Variants in LMO3 observed in about 807,000 individuals in gnomAD.
LMO3 encodes the protein LIM domain only 3, also known as LIM domain only protein 3.
LMO3 carries 2 observed loss-of-function variants against 15.8 expected under a neutral mutation model. The observed-to-expected ratio is 0.13, with a 90% CI of 0.05 to 0.40. The LOEUF (loss-of-function observed/expected upper bound fraction) is 0.40. Among genes scored for constraint, LMO3 ranks in the 10% least tolerant of loss-of-function variants. LMO3 has a pLI of 0.99. For missense variants in LMO3, 86 were observed against 182.2 expected (o/e 0.47, Z 3.04); for synonymous variants, 62 against 63.8 (o/e 0.97, Z 0.13).
chr12:16,602,369 C>T (rs543733885), intron 1 of LMO3: 2 of 152,196 alleles, frequency 1.3e-5, no homozygotes, highest in African/African-American at 2.4e-5. Flanking sequence ...TCAAGGCATC[C>T]GCAGAGCGGA....
rs758201493 is a variant in LMO3 at position 16,584,740 on chromosome 12, G to A, written c.206+15915C>T. On this transcript the variant is annotated intron_variant, in intron 2 of 3. Transcript: ENST00000537304. This position sits in a 1 kb window ranked among gnomAD's most constrained non-coding sequence, Gnocchi z 5.2. ...AGCAAGAGATTTCTTTTATCAGGACGGGCTGCTTCTCGCCTCACAAAGCAG... is the reference window on the plus strand; with the variant it reads ...AGCAAGAGATTTCTTTTATCAGGACAGGCTGCTTCTCGCCTCACAAAGCAG... 7.2e-5 allele frequency among the ~76,000 whole-genome samples: 11 copies of A among 152,096 alleles called. No homozygotes were observed. Among genetic ancestry groups the A allele is most frequent in the Non-Finnish European group, 1.3e-4 (9 of 68,018 alleles).
rs1313784670 is a variant in LMO3, at chr12:16,589,874, G to A, written c.206+10781C>T. ...GCCCCCAAGATGCAGACCACAGTAGGAATTAAGCCTCGTAAAGCTCTCTGG... is the reference window on the plus strand; with the variant it reads ...GCCCCCAAGATGCAGACCACAGTAGAAATTAAGCCTCGTAAAGCTCTCTGG... On this transcript the variant is annotated intron_variant, in intron 2 of 3. Coordinates refer to ENST00000537304, the MANE Select transcript of LMO3 (RefSeq NM_018640.5). The surrounding 1 kb of genome is among the most constrained non-coding windows in gnomAD (Gnocchi z 4.2). Among the ~76,000 whole-genome samples, 1 of 152,058 alleles carries A rather than the reference G, an allele frequency of 6.6e-6. No individual in the cohort carries two copies. Among genetic ancestry groups the A allele is most frequent in the Non-Finnish European group, 1.5e-5 (1 of 67,998 alleles).
chr12:16,580,137 T>C (rs769501452), intron 2 of LMO3, among the ~76,000 whole-genome samples: 4 of 152,220 alleles, frequency 2.6e-5, no homozygotes, highest in Non-Finnish European at 5.9e-5. Flanking sequence ...TACGTTATTT[T>C]TATTTTTTAA....
rs533987617 is a variant in LMO3, at chr12:16,587,599, A to G, written c.206+13056T>C. On this transcript the variant is annotated intron_variant, in intron 2 of 3. Coordinates refer to ENST00000537304, the MANE Select transcript of LMO3 (RefSeq NM_018640.5). The surrounding 1 kb of genome is among the most constrained non-coding windows in gnomAD (Gnocchi z 4.3). ...TTGGTGTTAAATTTTCTTAAATTGTATTTCTGTCAGTGTATCATTTTTTTA... is the reference window on the plus strand; with the variant it reads ...TTGGTGTTAAATTTTCTTAAATTGTGTTTCTGTCAGTGTATCATTTTTTTA... 6.6e-5 allele frequency among the ~76,000 whole-genome samples: 10 copies of G among 152,120 alleles called. No homozygotes were observed. The South Asian group carries it at 1.5e-3, about 22-fold the overall frequency.
chr12:16,565,441 AG>A (rs1942567730), intron 2 of LMO3, among the ~76,000 whole-genome samples: 1 of 152,210 alleles, frequency 6.6e-6, no homozygotes. Context: ...CAACTTAAAA[AG>A]TTAGCCCATT....
intron 2 of LMO3, among the ~76,000 whole-genome samples, chr12:16,579,621 C>T (rs1486298596): frequency 6.6e-6 from 1 of 152,106 alleles, no homozygotes; most frequent in Non-Finnish European, 1.5e-5. Context: ...TGGTGGAATC[C>T]TTTAGTTGAA....
intron 3 of LMO3, among the ~76,000 whole-genome samples, chr12:16,553,220 T>C (rs916956623): frequency 5.3e-5 from 8 of 152,108 alleles, no homozygotes; most frequent in African/African-American, 1.9e-4. Flanking sequence ...GTGCCAGAAT[T>C]TCAAAGCCCT....
At position 16,604,846 on chromosome 12, in the gene LMO3, T is replaced by C; in HGVS notation, c.-9+1220A>G. 1.3e-6 allele frequency: 2 copies of C among 1,598,408 alleles called. No homozygotes were observed. Among genetic ancestry groups the C allele is most frequent in the Non-Finnish European group, 1.7e-6 (2 of 1,179,724 alleles). ...GCAGAGCGCCAGCAAAGTGCATCTA[T>C]GATAGACTGTAACCTTACCAAAACT... On this transcript the variant is annotated intron_variant, in intron 1 of 3. Transcript: ENST00000537304. The surrounding 1 kb of genome is among the most constrained non-coding windows in gnomAD (Gnocchi z 5.3).
In LMO3 at chr12:16,584,463, A is replaced by C. The variant is rs1400100422; in HGVS notation, c.206+16192T>G. Reference sequence around the variant, plus strand: ...CACAGCAAAAGTTATTGACAAGGACATGAGGTTTCTGGAGGACCCAGTGGA... The same window carrying C: ...CACAGCAAAAGTTATTGACAAGGACCTGAGGTTTCTGGAGGACCCAGTGGA... On this transcript the variant is annotated intron_variant, in intron 2 of 3. Transcript: ENST00000537304. This position sits in a 1 kb window ranked among gnomAD's most constrained non-coding sequence, Gnocchi z 5.2. Among the ~76,000 whole-genome samples, 2 of 152,210 alleles carry C rather than the reference A, an allele frequency of 1.3e-5. No individual in the cohort carries two copies. The highest frequency in any genetic ancestry group is 2.9e-5 in the Non-Finnish European group (2 of 68,042).
chr12:16,597,843 G>A lies in LMO3; in HGVS notation c.206+2812C>T, dbSNP rs1415707748. 4 of 151,742 alleles carry A rather than the reference G, an allele frequency of 2.6e-5. No individual in the cohort carries two copies. The South Asian group carries it at 8.3e-4, about 31-fold the overall frequency. 9.4% of individuals were successfully genotyped at this position (151,742 alleles called of 1,614,324 possible). ...AAAATGGAAGTATGCTGAATTTGGA[G>A]GAAAATGAGAAAAATTACTTTTAAA... On this transcript the variant is annotated intron_variant, in intron 2 of 3. Coordinates refer to ENST00000537304, the MANE Select transcript of LMO3 (RefSeq NM_018640.5). The surrounding 1 kb of genome is among the most constrained non-coding windows in gnomAD (Gnocchi z 5.0).
In LMO3 at chr12:16,585,914, C is replaced by A. The variant is rs1285223125; in HGVS notation, c.206+14741G>T. Among the ~76,000 whole-genome samples, 1 of 152,130 alleles carries A rather than the reference C, an allele frequency of 6.6e-6. No individual in the cohort carries two copies. The highest frequency in any genetic ancestry group is 1.9e-4 in the East Asian group (1 of 5,184). On this transcript the variant is annotated intron_variant, in intron 2 of 3. Coordinates refer to ENST00000537304, the MANE Select transcript of LMO3 (RefSeq NM_018640.5). The surrounding 1 kb of genome is among the most constrained non-coding windows in gnomAD (Gnocchi z 4.7). ...TTTAGTCATTTATAGTCTCAGAAAT[C>A]TTGCTTATCCTAAGATCTGGGCGAC... is the stretch of plus-strand genomic sequence containing the variant.
Position 16,598,745 on chromosome 12 carries a change from T to C in LMO3, c.206+1910A>G, listed in dbSNP as rs2137687035. 1 of 155,684 alleles carries C rather than the reference T, an allele frequency of 6.4e-6. No individual in the cohort carries two copies. Among genetic ancestry groups the C allele is most frequent in the South Asian group, 1.9e-4 (1 of 5,322 alleles). The allele number at this position is 155,684 out of a possible 1,614,324, so 9.6% of individuals were successfully genotyped here. ...AAACAAAACAAATCTAAGATTACTGTCTTTGCTCGATGCTATGTTGACAGC... is the reference window on the plus strand; with the variant it reads ...AAACAAAACAAATCTAAGATTACTGCCTTTGCTCGATGCTATGTTGACAGC... On this transcript the variant is annotated intron_variant, in intron 2 of 3. Transcript: ENST00000537304. This position sits in a 1 kb window ranked among gnomAD's most constrained non-coding sequence, Gnocchi z 4.3.
At chr12:16,566,474 A>T (rs1156899051) in intron 2 of LMO3, among the ~76,000 whole-genome samples, 2 of 152,136 alleles carry the variant, frequency 1.3e-5, no homozygotes, top group Admixed American at 6.6e-5. Context: ...CCCTAATTAG[A>T]TCATTACACA....
chr12:16,555,982 C>T lies in LMO3; in HGVS notation c.332+4431G>A, dbSNP rs1264940949. Among the ~76,000 whole-genome samples, 1 of 152,088 alleles carries T rather than the reference C, an allele frequency of 6.6e-6. No individual in the cohort carries two copies. The highest frequency in any genetic ancestry group is 2.4e-5 in the African/African-American group (1 of 41,416). ...CCCTCAGTATAGCTCTATTTAGCATCGATTACACTCTTCTGTGAGTCTTTG... is the reference window on the plus strand; with the variant it reads ...CCCTCAGTATAGCTCTATTTAGCATTGATTACACTCTTCTGTGAGTCTTTG... On this transcript the variant is annotated intron_variant, in intron 3 of 3. Coordinates refer to ENST00000537304, the MANE Select transcript of LMO3 (RefSeq NM_018640.5). This position sits in a 1 kb window ranked among gnomAD's most constrained non-coding sequence, Gnocchi z 5.5.
chr12:16,554,802 G>A (rs986394130), intron 3 of LMO3, among the ~76,000 whole-genome samples: 12 of 152,144 alleles, frequency 7.9e-5, no homozygotes, highest in South Asian at 4.2e-4. Flanking sequence ...GACTACAGGC[G>A]CCCGCCACCT....
At position 16,603,253 on chromosome 12, in the gene LMO3, T is replaced by C. The variant is rs1184884358; in HGVS notation, c.-8-2385A>G. Among the ~76,000 whole-genome samples the C allele has an allele frequency of 2.0e-5, 3 of 152,246 alleles. No homozygotes were observed. Among genetic ancestry groups the C allele is most frequent in the African/African-American group, 7.2e-5 (3 of 41,468 alleles). On this transcript the variant is annotated intron_variant, in intron 1 of 3. Transcript: ENST00000537304. This position sits in a 1 kb window ranked among gnomAD's most constrained non-coding sequence, Gnocchi z 4.9. ...GGCCTTGGGCATAAAAGGAGTTTGA[T>C]ATTTCACACTCCATCCTGGTACCTT... is the stretch of plus-strand genomic sequence containing the variant.
chr12:16,570,012 A>G (rs1942759648), intron 2 of LMO3, among the ~76,000 whole-genome samples: 1 of 152,188 alleles, frequency 6.6e-6, no homozygotes, highest in African/African-American at 2.4e-5. Context: ...ACTATTTTAG[A>G]TATCGTGGGA....
At chr12:16,577,753 C>T (rs895760419) in intron 2 of LMO3, among the ~76,000 whole-genome samples, 12 of 152,140 alleles carry the variant, frequency 7.9e-5, no homozygotes, top group African/African-American at 2.9e-4. Flanking sequence ...TGTTCAATAA[C>T]TTACAATGGC....
rs1358029539 is a variant in LMO3 at position 16,584,210 on chromosome 12, A to AT, written c.206+16444dup. Among the ~76,000 whole-genome samples the AT allele has an allele frequency of 2.0e-5, 3 of 152,018 alleles. No individual in the cohort carries two copies. On this transcript the variant is annotated intron_variant, in intron 2 of 3. Transcript: ENST00000537304. The surrounding 1 kb of genome is among the most constrained non-coding windows in gnomAD (Gnocchi z 5.2). ...ATGTACGAGTTTTGTTGGAGGATGC[A>AT]TTTTTTAGTAGTGAGTGGGGAGAGT...
Sources: allele counts gnomAD v4.1 joint callset (sites outside exome capture counted in the v4.1 genomes callset), GRCh38; gene constraint gnomAD v4.1.1; non-coding constraint Gnocchi (gnomAD v3.1); transcripts MANE v1.5; gene names NCBI Gene and HGNC (gene_info 2026-07-23, HGNC 2026-07-21).